Variants in NCAM1 observed in about 807,000 individuals in gnomAD.
NCAM1 encodes the protein antigen recognized by monoclonal antibody 5.1H11.
A neutral mutation model predicts 109.8 loss-of-function variants in NCAM1; 14 were observed. That is an observed-to-expected ratio of 0.13 (90% CI 0.08 to 0.20). NCAM1 has a LOEUF of 0.20. NCAM1 is among the 10% of genes least tolerant of loss of function. The pLI, the probability that NCAM1 is intolerant of heterozygous loss-of-function variation, is 1.00. For missense variants in NCAM1, 774 were observed against 1,109.9 expected (o/e 0.70, Z 4.30); for synonymous variants, 418 against 442.9 (o/e 0.94, Z 0.70).
rs1288396906 is a variant in NCAM1, at chr11:113,233,543, C to A, written c.1693+226C>A. Among the ~76,000 whole-genome samples, 3 of 152,214 alleles carry A rather than the reference C, an allele frequency of 2.0e-5. No individual in the cohort carries two copies. The highest frequency in any genetic ancestry group is 4.4e-5 in the Non-Finnish European group (3 of 68,048). ...ACCCTTCCAGTATGGATGAAGGCAT[C>A]TGTACCACATTCCAGGCAGGAACCT... is the stretch of plus-strand genomic sequence containing the variant. On this transcript the variant is annotated intron_variant, in intron 13 of 19. Transcript: ENST00000316851. The surrounding 1 kb of genome is among the most constrained non-coding windows in gnomAD (Gnocchi z 4.5).
At chr11:113,258,502 G>A (rs1250815930) in intron 16 of NCAM1, among the ~76,000 whole-genome samples, 1 of 152,218 alleles carries the variant, frequency 6.6e-6, no homozygotes, top group African/African-American at 2.4e-5. Context: ...AAGATCATGA[G>A]AGGAGGAGAA....
chr11:113,263,034 C>T lies in NCAM1; in HGVS notation c.2131+2711C>T, dbSNP rs1446093159. The T allele has an allele frequency of 5.3e-6, 8 of 1,512,022 alleles. No homozygotes were observed. The African/African-American group carries it at 8.3e-5, about 16-fold the overall frequency. 93.7% of individuals were successfully genotyped at this position (1,512,022 alleles called of 1,614,324 possible). A position where few individuals can be genotyped will look rare whatever the true frequency, so the allele number is the denominator to read the frequency against. ...GACCACCATGGCCACAGCTGCTGAG[C>T]AACCATTCTGTGTGGAAGAGAAGGT... is the stretch of plus-strand genomic sequence containing the variant. On this transcript the variant is annotated intron_variant, in intron 17 of 19. Transcript: ENST00000316851.
chr11:112,998,193 A>G (rs1235700701), intron 1 of NCAM1, among the ~76,000 whole-genome samples: 2 of 152,322 alleles, frequency 1.3e-5, no homozygotes, highest in African/African-American at 4.8e-5. Context: ...TTCTACATTC[A>G]GGCACTTTTT....
rs549232139 is a variant in NCAM1, at chr11:113,263,011, C to T, written c.2131+2688C>T. 5.8e-6 allele frequency: 9 copies of T among 1,541,124 alleles called. No homozygotes were observed. In the East Asian group the frequency reaches 7.2e-5, roughly 12 times the overall value. ...CCCCCTTTGGAAGAACCTGGCAGGA[C>T]CACCATGGCCACAGCTGCTGAGCAA... is the stretch of plus-strand genomic sequence containing the variant. On this transcript the variant is annotated intron_variant, in intron 17 of 19. Transcript: ENST00000316851.
chr11:113,164,517 T>C (rs1403423094), intron 1 of NCAM1, among the ~76,000 whole-genome samples: 1 of 152,044 alleles, frequency 6.6e-6, no homozygotes, highest in East Asian at 1.9e-4. Context: ...TTAATCAGGG[T>C]TCCCACAACC....
intron 1 of NCAM1, among the ~76,000 whole-genome samples, chr11:113,184,399 T>C (rs782739008): frequency 2.6e-5 from 4 of 152,188 alleles, no homozygotes; most frequent in Non-Finnish European, 5.9e-5. Context: ...ACAGAAAGCT[T>C]TCTATGCTCA....
intron 1 of NCAM1, among the ~76,000 whole-genome samples, chr11:113,199,896 T>A (rs550092121): frequency 6.7e-6 from 1 of 148,604 alleles, no homozygotes; most frequent in East Asian, 2.0e-4. Flanking sequence ...AAGCAGGGAA[T>A]TCCTTTGAAA....
At position 113,233,044 on chromosome 11, in the gene NCAM1, C is replaced by T. The variant is rs890815272; in HGVS notation, c.1523-103C>T. ...AGGACAGGATACAGTGACAGGATTC[C>T]CAAGAGTGAGCAGAAATGACAGAGA... On this transcript the variant is annotated intron_variant, in intron 12 of 19. Coordinates refer to ENST00000316851, the MANE Select transcript of NCAM1 (RefSeq NM_181351.5). The surrounding 1 kb of genome is among the most constrained non-coding windows in gnomAD (Gnocchi z 4.5). 2 of 1,253,238 alleles carry T rather than the reference C, an allele frequency of 1.6e-6. No individual in the cohort carries two copies. The highest frequency in any genetic ancestry group is 1.1e-6 in the Non-Finnish European group (1 of 896,692). 77.6% of individuals were successfully genotyped at this position (1,253,238 alleles called of 1,614,324 possible).
At chr11:113,080,512 G>A (rs915991008) in intron 1 of NCAM1, among the ~76,000 whole-genome samples, 5 of 151,254 alleles carry the variant, frequency 3.3e-5, no homozygotes, top group African/African-American at 4.9e-5. Flanking sequence ...AGTTTGATGC[G>A]GGTGGTATTC....
chr11:113,073,249 A>G (rs1382154955), intron 1 of NCAM1, among the ~76,000 whole-genome samples: 2 of 152,070 alleles, frequency 1.3e-5, no homozygotes, highest in Non-Finnish European at 2.9e-5. Context: ...ATTTTATACT[A>G]TTCTTTTTTT....
intron 1 of NCAM1, among the ~76,000 whole-genome samples, chr11:113,168,398 G>A (rs73570745): frequency 0.085 from 13,002 of 152,150 alleles, 1,752 homozygotes; most frequent in African/African-American, 0.29. Context: ...GATGGTCGAT[G>A]TCTGGTCGTG....
chr11:112,977,995 G>A (rs1185273781), intron 1 of NCAM1, among the ~76,000 whole-genome samples: 1 of 151,874 alleles, frequency 6.6e-6, no homozygotes, highest in Middle Eastern at 3.2e-3. Flanking sequence ...GTGTTTTGTG[G>A]AAGAAGAGTC....
chr11:113,064,078 A>T (rs1423005084), intron 1 of NCAM1, among the ~76,000 whole-genome samples: 1 of 152,246 alleles, frequency 6.6e-6, no homozygotes, highest in African/African-American at 2.4e-5. Flanking sequence ...AGTTCTAATC[A>T]ACTGTAGGAA....
intron 1 of NCAM1, among the ~76,000 whole-genome samples, chr11:113,114,953 G>A (rs1478390010): frequency 6.6e-6 from 1 of 152,046 alleles, no homozygotes; most frequent in Non-Finnish European, 1.5e-5. Flanking sequence ...ATTCTTGGGG[G>A]GAATTGCACC....
intron 1 of NCAM1, among the ~76,000 whole-genome samples, chr11:112,972,189 TTGA>T (rs1950902191): frequency 6.6e-6 from 1 of 152,036 alleles, no homozygotes; most frequent in African/African-American, 2.4e-5. Context: ...AGAGGAAGGG[TTGA>T]TGAGGTAAGT....
At chr11:113,113,038 A>G (rs1940515123) in intron 1 of NCAM1, among the ~76,000 whole-genome samples, 1 of 152,172 alleles carries the variant, frequency 6.6e-6, no homozygotes, top group African/African-American at 2.4e-5. Flanking sequence ...AGACTGAGGC[A>G]GGAGAATTGC....
chr11:113,173,482 G>A (rs570840269), intron 1 of NCAM1, among the ~76,000 whole-genome samples: 57 of 151,562 alleles, frequency 3.8e-4, no homozygotes, highest in Non-Finnish European at 7.1e-4. Context: ...AGCTATGTGC[G>A]TGGTCTCTGC....
intron 9 of NCAM1, among the ~76,000 whole-genome samples, chr11:113,226,286 C>G (rs1455460627): frequency 2.0e-5 from 3 of 152,150 alleles, no homozygotes; most frequent in Non-Finnish European, 4.4e-5. Flanking sequence ...CAACCCTAGT[C>G]TCTGATAAAA....
At chr11:113,033,226 A>G (rs1952773621) in intron 1 of NCAM1, among the ~76,000 whole-genome samples, 3 of 152,226 alleles carry the variant, frequency 2.0e-5, no homozygotes, top group Admixed American at 6.5e-5. Context: ...TAGTAATGTT[A>G]TCAGACTTGC....
Sources: gnomAD v4.1 joint callset for allele counts (sites outside exome capture counted in the v4.1 genomes callset) on GRCh38, gnomAD v4.1.1 for gene constraint, Gnocchi (gnomAD v3.1) non-coding constraint, MANE v1.5 for transcripts, NCBI Gene and HGNC (gene_info 2026-07-23, HGNC 2026-07-21) for gene names.